JPH1: variants seen among roughly 807,000 people sequenced by gnomAD.
The protein encoded by JPH1 is junctophilin-1.
JPH1 carries 12 observed loss-of-function variants against 53.6 expected under a neutral mutation model. The observed-to-expected ratio is 0.22, with a 90% confidence interval of 0.14 to 0.36. JPH1 has a LOEUF of 0.36. JPH1 is among the 10% of genes least tolerant of loss of function. The pLI is 1.00. For missense variants in JPH1, 808 were observed against 905.5 expected, an observed-to-expected ratio of 0.89 and a Z score of 1.38; for synonymous variants, 375 against 363.8, an observed-to-expected ratio of 1.03 and a Z score of -0.35.
chr8:74,271,747 A>G (rs1387625529), intron 2 of JPH1, among the ~76,000 whole-genome samples: 1 of 152,186 alleles, frequency 6.6e-6, no homozygotes, highest in Non-Finnish European at 1.5e-5. Context: ...GGGGCACAGA[A>G]AGCCCTTTTA....
At chr8:74,302,028 T>C (rs1311604043) in intron 2 of JPH1, among the ~76,000 whole-genome samples, 6 of 152,238 alleles carry the variant, frequency 3.9e-5, no homozygotes, top group Non-Finnish European at 1.5e-5. Flanking sequence ...GAATTTCCTA[T>C]GCCTCAGTTT....
At chr8:74,311,974 G>A (rs1808010760) in intron 2 of JPH1, among the ~76,000 whole-genome samples, 2 of 151,964 alleles carry the variant, frequency 1.3e-5, no homozygotes, top group African/African-American at 2.4e-5. Flanking sequence ...AATTTTTAAG[G>A]GTTTTAAAAG....
At position 74,318,176 on chromosome 8, in the gene JPH1, T is replaced by C. The variant is rs527655124; in HGVS notation, c.380-2556A>G. On this transcript the variant is annotated intron_variant, in intron 1 of 5. Coordinates refer to ENST00000342232, the MANE Select transcript of JPH1 (RefSeq NM_020647.4). ...ACTTCTCCCTGCTGCTCAAATAAAG[T>C]TCTAATTAGTTCCTCTTGATTCCTA... 2.0e-5 allele frequency among the ~76,000 whole-genome samples: 3 copies of C among 152,344 alleles called. No homozygotes were observed. The South Asian group carries it at 6.2e-4, about 32-fold the overall frequency.
intron 3 of JPH1, 56 bp from the exon 4 acceptor site, chr8:74,245,231 T>A: frequency 1.4e-6 from 2 of 1,452,608 alleles, no homozygotes; most frequent in Non-Finnish European, 1.8e-6. Context: ...ATACATATAT[T>A]TTGCTAAATC....
chr8:74,315,474 G>A lies in JPH1; in HGVS notation c.526C>T (p.Leu176Phe). ...LRSEQSNGSVLHDAAAAADSP... is the reference protein window; with the variant it reads ...LRSEQSNGSVFHDAAAAADSP... ...TCGGCGGCGGCTGCGGCGTCGTGGA[G>A]CACGCTGCCATTGCTCTGCTCGCTG... The change falls in exon 2 of 6, where the codon CTC becomes TTC. Residue 176 changes from leucine (L) to phenylalanine (F), a missense_variant. Transcript: ENST00000342232. This position sits in a 1 kb window ranked among gnomAD's most constrained non-coding sequence, Gnocchi z 6.3. 6.2e-7 allele frequency: 1 copy of A among 1,607,630 alleles called. No homozygotes were observed. The highest frequency in any genetic ancestry group is 8.5e-7 in the Non-Finnish European group (1 of 1,177,712).
intron 2 of JPH1, among the ~76,000 whole-genome samples, chr8:74,271,624 C>T (rs571517182): frequency 3.2e-3 from 493 of 152,328 alleles, no homozygotes; most frequent in Middle Eastern, 6.8e-3. Flanking sequence ...CTCTAGGATC[C>T]TGGTGGAAAC....
chr8:74,255,902 G>A (rs1806209129), intron 3 of JPH1, among the ~76,000 whole-genome samples: 1 of 152,228 alleles, frequency 6.6e-6, no homozygotes, highest in South Asian at 2.1e-4. Context: ...ACAGGTGCTG[G>A]AGAGGATGTG....
At position 74,315,156 on chromosome 8, in the gene JPH1, T is replaced by C. The variant is rs765566580; in HGVS notation, c.844A>G (p.Met282Val). The change falls in exon 2 of 6, where the codon ATG becomes GTG. Residue 282 changes from methionine to valine, a missense_variant. Physicochemically the swap from Met to Val is conservative, Grantham distance 21 (BLOSUM62 1). Transcript: ENST00000342232. This position sits in a 1 kb window ranked among gnomAD's most constrained non-coding sequence, Gnocchi z 6.3. ...HVDATTTETYMGEWKNDKRNG... is the reference protein window; with the variant it reads ...HVDATTTETYVGEWKNDKRNG... ...CGCTTGTCGTTCTTCCACTCGCCCA[T>C]GTAGGTTTCCGTGGTGGTGGCGTCC... The C allele has an allele frequency of 5.0e-6, 8 of 1,614,202 alleles. No individual in the cohort carries two copies. The highest frequency in any genetic ancestry group is 1.1e-5 in the South Asian group (1 of 91,084).
chr8:74,301,805 C>T (rs1807689783), intron 2 of JPH1, among the ~76,000 whole-genome samples: 1 of 152,138 alleles, frequency 6.6e-6, no homozygotes, highest in South Asian at 2.1e-4. Flanking sequence ...GATTGTTTGG[C>T]TCACAAGATT....
chr8:74,259,620 C>T (rs112088138), intron 2 of JPH1, 117 bp from the exon 3 acceptor site: 4 of 740,666 alleles, frequency 5.4e-6, no homozygotes, highest in Non-Finnish European at 8.4e-6. Context: ...CCGACACCCA[C>T]AAGAGCAAAA....
chr8:74,244,572 G>C lies in JPH1; in HGVS notation c.1862C>G (p.Ala621Gly). ...CAAAGCAGGGCATGAATCGTTGCTT[G>C]CTGGATTCTTTGGTATAGCAAGTTC... ...KSELAIPKNP[A>G]SNDSCPALEK... The change falls in exon 4 of 6, where the codon GCA becomes GGA. Residue 621 changes from alanine to glycine, a missense_variant. Physicochemically the swap from Ala to Gly is moderately conservative, Grantham distance 60 (BLOSUM62 0). Coordinates refer to ENST00000342232, the MANE Select transcript of JPH1 (RefSeq NM_020647.4). The C allele has an allele frequency of 6.2e-7, 1 of 1,613,308 alleles. No individual in the cohort carries two copies. Among genetic ancestry groups the C allele is most frequent in the South Asian group, 1.1e-5 (1 of 90,888 alleles).
At chr8:74,268,098 C>T (rs554916633) in intron 2 of JPH1, among the ~76,000 whole-genome samples, 25 of 152,180 alleles carry the variant, frequency 1.6e-4, no homozygotes, top group Admixed American at 5.2e-4. Flanking sequence ...AGGGAGAATA[C>T]TACTTCATAG....
chr8:74,252,672 T>C (rs1205882820), intron 3 of JPH1, among the ~76,000 whole-genome samples: 1 of 151,932 alleles, frequency 6.6e-6, no homozygotes, highest in Non-Finnish European at 1.5e-5. Context: ...GAGACACACA[T>C]AGGCTCAAAA....
At chr8:74,247,176 CTCT>C (rs1805883933) in intron 3 of JPH1, among the ~76,000 whole-genome samples, 1 of 152,292 alleles carries the variant, frequency 6.6e-6, no homozygotes, top group African/African-American at 2.4e-5. Flanking sequence ...AACAAAACCC[CTCT>C]TCTTCTGTGA....
chr8:74,240,329 T>G (rs549183054), intron 4 of JPH1, among the ~76,000 whole-genome samples: 117 of 152,262 alleles, frequency 7.7e-4, no homozygotes, highest in Non-Finnish European at 1.4e-3. Flanking sequence ...GTCACCCTGT[T>G]GTGCTATCAA....
At chr8:74,296,298 T>A (rs1336218544) in intron 2 of JPH1, among the ~76,000 whole-genome samples, 2 of 152,198 alleles carry the variant, frequency 1.3e-5, no homozygotes, top group Admixed American at 1.3e-4. Flanking sequence ...AATGACCTAT[T>A]CATAATTATC....
chr8:74,244,197 T>C (rs1805781294), intron 4 of JPH1, among the ~76,000 whole-genome samples: 1 of 152,130 alleles, frequency 6.6e-6, no homozygotes, highest in Non-Finnish European at 1.5e-5. Context: ...TTTCCAGCAA[T>C]CAGAGAGCAA....
rs530178110 is a variant in JPH1, at chr8:74,269,982, T to C, written c.1140-10479A>G. Among the ~76,000 whole-genome samples the C allele has an allele frequency of 1.5e-4, 23 of 152,270 alleles. 1 individual carries two copies. Among genetic ancestry groups the C allele is most frequent in the Admixed American group, 1.2e-3 (19 of 15,286 alleles). On this transcript the variant is annotated intron_variant, in intron 2 of 5. Coordinates refer to ENST00000342232, the MANE Select transcript of JPH1 (RefSeq NM_020647.4). ...AGTTCATCTTCTTGTATTCATGCTT[T>C]CTCTGTGAATCTGTCACTGCTCTCC...
intron 2 of JPH1, among the ~76,000 whole-genome samples, chr8:74,307,940 G>A (rs1412840414): frequency 6.6e-6 from 1 of 152,114 alleles, no homozygotes; most frequent in Non-Finnish European, 1.5e-5. Flanking sequence ...TCCATAATGT[G>A]CATTGACTCA....
Sources: allele counts gnomAD v4.1 joint callset (sites outside exome capture counted in the v4.1 genomes callset), GRCh38; gene constraint gnomAD v4.1.1; non-coding constraint Gnocchi (gnomAD v3.1); transcripts MANE v1.5; gene names NCBI Gene and HGNC (gene_info 2026-07-23, HGNC 2026-07-21).